Variants in ALDH7A1 observed in about 807,000 individuals in gnomAD.
The protein encoded by ALDH7A1 is aldehyde dehydrogenase 7 family member A1.
In ALDH7A1, 63 loss-of-function variants were observed where a neutral mutation model predicts 79.9. The observed-to-expected ratio is 0.79, with a 90% CI of 0.64 to 0.97. The LOEUF (loss-of-function observed/expected upper bound fraction) is 0.97. Ranked by LOEUF, ALDH7A1 falls within the 50% of genes least tolerant of loss-of-function variation. The pLI, the probability that ALDH7A1 is intolerant of heterozygous loss-of-function variation, is 0.00. For synonymous variants in ALDH7A1, 240 were observed against 231.2 expected (o/e 1.04, Z -0.34); for missense variants, 627 against 665.2 (o/e 0.94, Z 0.63).
rs757162735 is a variant in ALDH7A1 at position 126,595,066 on chromosome 5, G to A, written c.133C>T (p.Leu45=). 1.6e-5 allele frequency: 26 copies of A among 1,608,998 alleles called. No individual in the cohort carries two copies. Among genetic ancestry groups the A allele is most frequent in the Non-Finnish European group, 2.1e-5 (25 of 1,177,888 alleles). The change falls in exon 1 of 18, where the codon CTG becomes TTG. Residue 45 remains leucine (L), a synonymous_variant. Transcript: ENST00000409134. ...NQPQYAWLKE[L]GLREENEGVY... ...CCCTCGTTTTCCTCGCGGAGCCCCA[G>A]CTCTTTCAGCCACGCATACTGGGGC...
In ALDH7A1 at chr5:126,555,962, A is replaced by G; in HGVS notation, c.1062T>C (p.Tyr354=). Residue 354 remains tyrosine, a synonymous_variant, in exon 12 of 18, where the codon TAT becomes TAC. Transcript: ENST00000409134. ...ATGGGTTCCCAACTCGGATCTGTGC[A>G]TAGGCCTTTTTAAGTCTGTTTACAA... The part of the protein sequence containing the change: ...DEVVNRLKKA[Y]AQIRVGNPWD... 1.2e-6 allele frequency: 2 copies of G among 1,613,638 alleles called. No homozygotes were observed. The highest frequency in any genetic ancestry group is 1.7e-6 in the Non-Finnish European group (2 of 1,179,694).
chr5:126,581,890 A>C (rs1751188247), intron 5 of ALDH7A1: 1 of 295,226 alleles, frequency 3.4e-6, no homozygotes, highest in Admixed American at 5.2e-5. Flanking sequence ...AGGCAGAAGA[A>C]TCGCTTGAAC....
chr5:126,575,787 T>C (rs1750943725), intron 6 of ALDH7A1, among the ~76,000 whole-genome samples: 1 of 152,244 alleles, frequency 6.6e-6, no homozygotes. Context: ...ACGTGCTGCA[T>C]TAAGTAAACT....
At position 126,552,060 on chromosome 5, in the gene ALDH7A1, T is replaced by A. The variant is rs1750018760; in HGVS notation, c.1278A>T (p.Thr426=). ...GLGHDASIAH[T]ETFAPILYVF... ...CATAGAGAATCGGAGCAAAAGTCTC[T>A]GTGTGTGCAATGGACGCATCGTGGC... Residue 426 remains threonine (T), a synonymous_variant, in exon 14 of 18, where the codon ACA becomes ACT. Transcript: ENST00000409134. 1.2e-6 allele frequency: 2 copies of A among 1,613,932 alleles called. No homozygotes were observed. Among genetic ancestry groups the A allele is most frequent in the African/African-American group, 2.7e-5 (2 of 74,936 alleles).
intron 7 of ALDH7A1, among the ~76,000 whole-genome samples, chr5:126,571,459 A>C (rs1248780679): frequency 6.8e-6 from 1 of 146,464 alleles, no homozygotes; most frequent in African/African-American, 2.7e-5. Context: ...CCTGGAAGAC[A>C]GGGAGACTGT....
At chr5:126,583,816 G>A (rs1023597446) in intron 4 of ALDH7A1, 116 bp downstream of exon 4, 1 of 826,802 alleles carries the variant, frequency 1.2e-6, no homozygotes, top group South Asian at 1.6e-5. Context: ...CTCCAGCCTG[G>A]GTGACAGCAA....
intron 5 of ALDH7A1, chr5:126,582,226 G>T (rs1751201759): frequency 5.0e-6 from 2 of 398,116 alleles, no homozygotes; most frequent in African/African-American, 2.1e-5. Context: ...TTAGTCATGG[G>T]GGTAGGAGGG....
intron 13 of ALDH7A1, 62 bp from the exon 14 acceptor site, chr5:126,552,199 G>C: frequency 7.8e-7 from 1 of 1,280,832 alleles, no homozygotes; most frequent in Non-Finnish European, 1.1e-6. Context: ...CTTGGGGTCA[G>C]AGGATGCAAT....
At chr5:126,559,135 G>A (rs1581368378) in intron 11 of ALDH7A1, 105 bp downstream of exon 11, 3 of 900,674 alleles carry the variant, frequency 3.3e-6, no homozygotes, top group East Asian at 5.1e-5. Context: ...CACATCTAGA[G>A]AGCATGTTGT....
intron 3 of ALDH7A1, among the ~76,000 whole-genome samples, chr5:126,590,589 A>T (rs984840038): frequency 2.6e-5 from 4 of 151,954 alleles, no homozygotes; most frequent in East Asian, 3.9e-4. Context: ...ACAACAATTT[A>T]AAAAAAATTA....
intron 9 of ALDH7A1, chr5:126,564,536 T>C: frequency 4.0e-6 from 5 of 1,248,196 alleles, no homozygotes; most frequent in Non-Finnish European, 5.1e-6. Context: ...CTTTTATTCA[T>C]TTGTGATATC....
intron 8 of ALDH7A1, chr5:126,570,469 G>A (rs1258344460): frequency 3.3e-6 from 1 of 300,088 alleles, no homozygotes; most frequent in Non-Finnish European, 6.3e-6. Flanking sequence ...AGCTTTCTTT[G>A]TAAGTAAACA....
rs1749944953 is a variant in ALDH7A1 at position 126,550,231 on chromosome 5, A to G, written c.1380T>C (p.Phe460=). 6.2e-7 allele frequency: 1 copy of G among 1,613,460 alleles called. No homozygotes were observed. Among genetic ancestry groups the G allele is most frequent in the Non-Finnish European group, 8.5e-7 (1 of 1,179,958 alleles). The change falls in exon 15 of 18, where the codon TTT becomes TTC. Residue 460 remains phenylalanine (F), a synonymous_variant. Coordinates refer to ENST00000409134, the MANE Select transcript of ALDH7A1 (RefSeq NM_001182.5). ...EVKQGLSSSI[F]TKDLGRIFRW... ...GAAAGATTCTGCCCAGATCTTTGGT[A>G]AAGATGCTACTTGAAAGTCCCTGTT...
At chr5:126,556,757 C>A (rs1254853366) in intron 11 of ALDH7A1, among the ~76,000 whole-genome samples, 1 of 152,144 alleles carries the variant, frequency 6.6e-6, no homozygotes, top group Non-Finnish European at 1.5e-5. Context: ...GTGAGGACAA[C>A]CCTTGCATTC....
chr5:126,551,131 TTGG>T (rs1749983464), intron 14 of ALDH7A1, among the ~76,000 whole-genome samples: 1 of 152,116 alleles, frequency 6.6e-6, no homozygotes, highest in South Asian at 2.1e-4. Context: ...TCTCACTGTG[TTGG>T]TCAGGCTGGT....
At chr5:126,578,512 A>G (rs1751055594) in intron 5 of ALDH7A1, among the ~76,000 whole-genome samples, 1 of 151,560 alleles carries the variant, frequency 6.6e-6, no homozygotes, top group Non-Finnish European at 1.5e-5. Context: ...GTGATTGGTT[A>G]TATGCCTGTA....
intron 2 of ALDH7A1, 32 bp from the exon 3 acceptor site, chr5:126,592,761 G>A: frequency 1.3e-6 from 2 of 1,571,086 alleles, no homozygotes; most frequent in East Asian, 2.2e-5. Context: ...CAGAAAGGGG[G>A]AAATAAAGAG....
rs1750309410 is a variant in ALDH7A1, at chr5:126,559,267, G to T, written c.981C>A (p.Gly327=). Residue 327 remains glycine, a synonymous_variant, in exon 11 of 18, where the codon GGC becomes GGA. Transcript: ENST00000409134. ...GTCGCCTCGCAGTGGTACACCTCTG[G>T]CCAGCTGTTCCCACAGCAGCGAAGA... ...SALFAAVGTA[G]QRCTTARRLF... 6.2e-7 allele frequency: 1 copy of T among 1,613,914 alleles called. No homozygotes were observed. Among genetic ancestry groups the T allele is most frequent in the African/African-American group, 1.3e-5 (1 of 75,044 alleles).
intron 5 of ALDH7A1, among the ~76,000 whole-genome samples, chr5:126,580,902 G>A (rs1290909609): frequency 2.7e-5 from 4 of 150,728 alleles, no homozygotes; most frequent in East Asian, 3.9e-4. Context: ...TCGGCTCACC[G>A]CCACCTCCGC....
Sources: allele counts gnomAD v4.1 joint callset (sites outside exome capture counted in the v4.1 genomes callset), GRCh38; gene constraint gnomAD v4.1.1; transcripts MANE v1.5; gene names NCBI Gene and HGNC (gene_info 2026-07-23, HGNC 2026-07-21).